The following STXBP5L variants were observed in gnomAD, a reference collection of about 807,000 sequenced individuals.
STXBP5L encodes the protein syntaxin binding protein 5L.
A neutral mutation model predicts 144.5 loss-of-function variants in STXBP5L; 65 were observed. The ratio of observed to expected loss-of-function variants is 0.45; its 90% CI spans 0.37 to 0.55. The LOEUF (loss-of-function observed/expected upper bound fraction) is 0.55, where lower values mean the gene tolerates loss of function less well. Among genes scored for constraint, STXBP5L ranks in the 20% least tolerant of loss-of-function variants. STXBP5L has a pLI of 0.00. For missense variants in STXBP5L, 1,298 were observed against 1,405.5 expected, an observed-to-expected ratio of 0.92 and a Z score of 1.22; for synonymous variants, 505 against 469.6, an observed-to-expected ratio of 1.08 and a Z score of -0.97.
At chr3:121,355,374 T>C (rs552705171) in intron 20 of STXBP5L, among the ~76,000 whole-genome samples, 1 of 152,300 alleles carries the variant, frequency 6.6e-6, no homozygotes, top group South Asian at 2.1e-4. Context: ...TCTTGGAGGC[T>C]TTGTTCATTT....
chr3:120,990,126 C>G (rs1351029370), intron 3 of STXBP5L, among the ~76,000 whole-genome samples: 4 of 152,154 alleles, frequency 2.6e-5, no homozygotes, highest in Non-Finnish European at 5.9e-5. Context: ...GATACAAAAT[C>G]AATGGGCAAA....
intron 3 of STXBP5L, among the ~76,000 whole-genome samples, chr3:121,020,882 A>G (rs906107844): frequency 3.9e-5 from 6 of 152,018 alleles, no homozygotes; most frequent in South Asian, 2.1e-4. Flanking sequence ...TATTCAGGCA[A>G]CAAATAGCAC....
chr3:121,213,884 T>C (rs1447050447), intron 10 of STXBP5L, among the ~76,000 whole-genome samples: 1 of 152,164 alleles, frequency 6.6e-6, no homozygotes, highest in African/African-American at 2.4e-5. Context: ...ACTGCCTCAA[T>C]TTTAGAACTT....
chr3:121,233,523 A>G, intron 11 of STXBP5L, 93 bp from the exon 12 acceptor site: 1 of 847,986 alleles, frequency 1.2e-6, no homozygotes. Flanking sequence ...CATCATTTAA[A>G]TAATATTTGT....
intron 3 of STXBP5L, among the ~76,000 whole-genome samples, chr3:120,964,185 A>G (rs993480590): frequency 7.9e-5 from 12 of 152,014 alleles, no homozygotes; most frequent in African/African-American, 2.9e-4. Context: ...TAGTCTTGCT[A>G]GTGGTCTATC....
chr3:121,194,652 C>A lies in STXBP5L; in HGVS notation c.878-11271C>A, dbSNP rs142117511. 5.9e-3 allele frequency among the ~76,000 whole-genome samples: 905 copies of A among 152,130 alleles called. 8 individuals are homozygous for A. The highest frequency in any genetic ancestry group is 0.02 in the African/African-American group (834 of 41,506). On this transcript the variant is annotated intron_variant, in intron 9 of 26. Transcript: ENST00000471454. ...GGTTTGTGAAAAATTGATACTAATT[C>A]TTCCTCAAATGTTGGGTAGAATTCA...
chr3:121,061,407 T>C (rs2041271083), intron 5 of STXBP5L, among the ~76,000 whole-genome samples: 1 of 152,218 alleles, frequency 6.6e-6, no homozygotes, highest in South Asian at 2.1e-4. Flanking sequence ...TGGCCAGTTT[T>C]AGAATAAGTA....
chr3:121,027,093 A>G (rs537331378), intron 3 of STXBP5L, among the ~76,000 whole-genome samples: 1 of 151,844 alleles, frequency 6.6e-6, no homozygotes, highest in East Asian at 1.9e-4. Flanking sequence ...ATTTATGTGT[A>G]TATATGTATA....
chr3:120,954,170 T>C (rs987522242), intron 2 of STXBP5L, among the ~76,000 whole-genome samples: 4 of 152,138 alleles, frequency 2.6e-5, no homozygotes, highest in Admixed American at 6.6e-5. Context: ...AACACCTCCG[T>C]ATACATAACA....
intron 22 of STXBP5L, among the ~76,000 whole-genome samples, chr3:121,383,406 T>C (rs1465159078): frequency 3.3e-5 from 5 of 151,708 alleles, no homozygotes; most frequent in Admixed American, 3.3e-4. Flanking sequence ...CAATGAAAAA[T>C]AATAAAAAAA....
intron 5 of STXBP5L, among the ~76,000 whole-genome samples, chr3:121,047,689 C>G (rs1576769316): frequency 6.6e-6 from 1 of 151,930 alleles, no homozygotes; most frequent in East Asian, 1.9e-4. Flanking sequence ...TTCTGACTGC[C>G]ATTTGCTTGG....
chr3:121,286,264 A>G (rs2051229800), intron 19 of STXBP5L, among the ~76,000 whole-genome samples: 2 of 152,208 alleles, frequency 1.3e-5, no homozygotes, highest in African/African-American at 2.4e-5. Flanking sequence ...AAAGGGGATG[A>G]TAAGAGAACT....
intron 3 of STXBP5L, among the ~76,000 whole-genome samples, chr3:121,030,019 C>A (rs142416679): frequency 9.2e-5 from 14 of 152,192 alleles, no homozygotes; most frequent in African/African-American, 2.9e-4. Context: ...ATTAAAAAGT[C>A]AGGAAACGAC....
At chr3:121,344,094 A>G (rs11718981) in intron 20 of STXBP5L, among the ~76,000 whole-genome samples, 73,734 of 150,608 alleles carry the variant, frequency 0.49, 18,448 homozygotes, top group East Asian at 0.69. Flanking sequence ...AAATAACGCC[A>G]CATATCTACA....
At chr3:121,352,732 G>A (rs2045342121) in intron 20 of STXBP5L, among the ~76,000 whole-genome samples, 1 of 152,020 alleles carries the variant, frequency 6.6e-6, no homozygotes, top group Admixed American at 6.6e-5. Context: ...AATAGGAGTG[G>A]TGAGAGAGGG....
intron 3 of STXBP5L, among the ~76,000 whole-genome samples, chr3:121,021,091 T>A (rs1377889398): frequency 6.6e-6 from 1 of 151,788 alleles, no homozygotes; most frequent in Middle Eastern, 3.2e-3. Context: ...TCCATGCAAC[T>A]GGACACCAGA....
intron 11 of STXBP5L, among the ~76,000 whole-genome samples, chr3:121,226,102 G>A (rs377027227): frequency 2.0e-5 from 3 of 152,242 alleles, no homozygotes; most frequent in East Asian, 3.9e-4. Flanking sequence ...GCCACGAAAT[G>A]GTTTTCCAAT....
At chr3:121,301,666 G>T (rs1312677563) in intron 19 of STXBP5L, among the ~76,000 whole-genome samples, 3 of 152,164 alleles carry the variant, frequency 2.0e-5, no homozygotes, top group African/African-American at 7.2e-5. Flanking sequence ...CATTCAGGAT[G>T]ATATTGGCTG....
chr3:121,125,319 A>T (rs1318312041), intron 7 of STXBP5L, among the ~76,000 whole-genome samples: 5 of 152,172 alleles, frequency 3.3e-5, no homozygotes, highest in Middle Eastern at 3.4e-3. Context: ...AAACACACAA[A>T]AAATTAGCCT....
Sources: allele counts gnomAD v4.1 joint callset (sites outside exome capture counted in the v4.1 genomes callset), GRCh38; gene constraint gnomAD v4.1.1; transcripts MANE v1.5; gene names NCBI Gene and HGNC (gene_info 2026-07-23, HGNC 2026-07-21).